Variants in VSIG1 observed in about 807,000 individuals in gnomAD.
VSIG1 encodes V-set and immunoglobulin domain containing 1, also known as V-set and immunoglobulin domain-containing protein 1.
A neutral mutation model predicts 20.1 loss-of-function variants in VSIG1; 11 were observed. The observed-to-expected ratio is 0.55, with a 90% CI of 0.34 to 0.91. The LOEUF is 0.91. Among genes scored for constraint, VSIG1 ranks in the 40% least tolerant of loss-of-function variants. The pLI is 0.02. For synonymous variants in VSIG1, 126 were observed against 116.7 expected, an observed-to-expected ratio of 1.08 and a Z score of -0.52; for missense variants, 283 against 298.8, an observed-to-expected ratio of 0.95 and a Z score of 0.39.
At chrX:108,065,000 T>C (rs1366079820) in intron 2 of VSIG1, among the ~76,000 whole-genome samples, 1 of 111,812 alleles carries the variant, frequency 8.9e-6, no homozygotes, top group Admixed American at 9.5e-5. Context: ...CAAGAGTTTG[T>C]GATTTCAGTA....
chrX:108,059,221 G>C (rs1193115105), intron 2 of VSIG1, among the ~76,000 whole-genome samples: 2 of 111,284 alleles, frequency 1.8e-5, no homozygotes, highest in Admixed American at 9.5e-5. Context: ...TGAGGAGGCT[G>C]GGGGAGGCCT....
chrX:108,075,199 A>G (rs1332803150), intron 5 of VSIG1, among the ~76,000 whole-genome samples: 1 of 111,103 alleles, frequency 9.0e-6, no homozygotes, highest in Non-Finnish European at 1.9e-5. Flanking sequence ...TAGGGTACGA[A>G]GTTGAAAGAA....
chrX:108,032,178 C>T, the VSIG1 span, among the ~76,000 whole-genome samples: 1 of 112,568 alleles, frequency 8.9e-6, no homozygotes. Flanking sequence ...TCTGCTGTAT[C>T]GTCATTTCAT....
chrX:108,053,152 G>A (rs1841079960), intron 1 of VSIG1, among the ~76,000 whole-genome samples: 1 of 111,882 alleles, frequency 8.9e-6, no homozygotes, highest in South Asian at 3.6e-4. Context: ...AATAGCTAAA[G>A]GGATTTCTTC....
At chrX:108,071,892 CAAA>C (rs1203449181) in intron 3 of VSIG1, among the ~76,000 whole-genome samples, 162 of 36,390 alleles carry the variant, frequency 4.5e-3, no homozygotes, top group African/African-American at 0.012. Flanking sequence ...TGAACAAATG[CAAA>C]AAAAAAAAAA....
At chrX:108,049,558 G>T (rs1459669224) in intron 1 of VSIG1, among the ~76,000 whole-genome samples, 1 of 111,653 alleles carries the variant, frequency 9.0e-6, no homozygotes, top group Non-Finnish European at 1.9e-5. Flanking sequence ...TCTTCAAAGG[G>T]GGTTTGTGGG....
chrX:108,020,712 C>CT, the VSIG1 span, among the ~76,000 whole-genome samples: 1 of 111,777 alleles, frequency 8.9e-6, no homozygotes, highest in African/African-American at 3.3e-5. Flanking sequence ...GTCACTGCCT[C>CT]TTTTTTTGCA....
At chrX:108,047,229 C>G (rs998334922) in intron 1 of VSIG1, among the ~76,000 whole-genome samples, 1 of 111,497 alleles carries the variant, frequency 9.0e-6, no homozygotes, top group Non-Finnish European at 1.9e-5. Context: ...TCCCAAATTC[C>G]AAACATCCAG....
intron 1 of VSIG1, among the ~76,000 whole-genome samples, chrX:108,054,732 C>T (rs1275665804): frequency 1.8e-5 from 2 of 109,977 alleles, no homozygotes; most frequent in East Asian, 5.7e-4. Flanking sequence ...GAGGAAATCT[C>T]AAAAGGAATT....
chrX:108,045,033 G>A (rs762080739), upstream of VSIG1: 2 of 720,974 alleles, frequency 2.8e-6, no homozygotes, highest in South Asian at 9.3e-5. Flanking sequence ...CAGCAGATAA[G>A]CCAGGCAAAC....
rs182316619 is a variant in VSIG1 at position 108,046,741 on chromosome X, A to T, written c.49+1562A>T. Among the ~76,000 whole-genome samples the T allele has an allele frequency of 2.2e-4, 25 of 111,812 alleles. No individual in the cohort carries two copies. In the Admixed American group the frequency reaches 2.3e-3, roughly 10 times the overall value. On this transcript the variant is annotated intron_variant, in intron 1 of 6. Transcript: ENST00000217957. ...TTTGCAGGTGTATATATTACATTTT[A>T]AAAATTGGGTTTATTCCTTGTATAC... is the stretch of plus-strand genomic sequence containing the variant.
At chrX:108,060,523 C>T (rs772233916) in intron 2 of VSIG1, among the ~76,000 whole-genome samples, 1 of 111,413 alleles carries the variant, frequency 9.0e-6, no homozygotes, top group South Asian at 3.9e-4. Flanking sequence ...CCATTTTTAG[C>T]TCTCTACTTC....
intron 1 of VSIG1, among the ~76,000 whole-genome samples, chrX:108,056,504 T>G (rs756782174): frequency 1.4e-4 from 16 of 112,212 alleles, no homozygotes; most frequent in Non-Finnish European, 2.8e-4. Flanking sequence ...GATTTGCATC[T>G]AGATTATATA....
upstream of VSIG1, among the ~76,000 whole-genome samples, chrX:108,041,348 A>T (rs2030476295): frequency 9.0e-6 from 1 of 111,511 alleles, no homozygotes; most frequent in Non-Finnish European, 1.9e-5. Context: ...ACCATCTAAG[A>T]ATTTACCAAT....
chrX:108,019,373 G>GC, the VSIG1 span, among the ~76,000 whole-genome samples: 11 of 112,213 alleles, frequency 9.8e-5, no homozygotes, highest in Non-Finnish European at 1.3e-4. Flanking sequence ...CTTCAACCCT[G>GC]CCCCCCCGTG....
chrX:108,070,857 A>G (rs1344816470), intron 3 of VSIG1, among the ~76,000 whole-genome samples: 2 of 112,316 alleles, frequency 1.8e-5, no homozygotes, highest in Non-Finnish European at 3.8e-5. Flanking sequence ...AATTATAGCT[A>G]TATGCATCTG....
At chrX:108,048,243 C>T (rs1370393766) in intron 1 of VSIG1, among the ~76,000 whole-genome samples, 2 of 108,469 alleles carry the variant, frequency 1.8e-5, no homozygotes, top group Non-Finnish European at 3.8e-5. Flanking sequence ...CCTCAGGCGA[C>T]CCGCCCACCT....
intron 2 of VSIG1, chrX:108,061,300 T>A (rs779419278): frequency 2.2e-6 from 1 of 452,634 alleles, no homozygotes; most frequent in South Asian, 4.1e-5. Flanking sequence ...ATTATGTGAT[T>A]TATGGGACTA....
At chrX:108,075,196 C>T (rs751549620) in intron 5 of VSIG1, among the ~76,000 whole-genome samples, 3 of 109,824 alleles carry the variant, frequency 2.7e-5, no homozygotes, top group South Asian at 4.0e-4. Flanking sequence ...TTCTAGGGTA[C>T]GAAGTTGAAA....
Sources: gnomAD v4.1 joint callset for allele counts (sites outside exome capture counted in the v4.1 genomes callset) on GRCh38, gnomAD v4.1.1 for gene constraint, MANE v1.5 for transcripts, NCBI Gene and HGNC (gene_info 2026-07-23, HGNC 2026-07-21) for gene names.